Variants in FARS2 observed in about 807,000 individuals in gnomAD.
FARS2 encodes phenylalanine--tRNA ligase, mitochondrial.
FARS2 carries 40 observed loss-of-function variants against 46.4 expected under a neutral mutation model. The ratio of observed to expected loss-of-function variants is 0.86; its 90% confidence interval spans 0.67 to 1.12. The LOEUF is 1.12. Ranked by LOEUF, FARS2 falls within the 50% of genes most tolerant of loss-of-function variation. The probability of loss-of-function intolerance (pLI) is 0.00; values close to 1 mark genes in which losing one functional copy is unlikely to be tolerated. For synonymous variants in FARS2, 234 were observed against 214.9 expected, an observed-to-expected ratio of 1.09 and a Z score of -0.78; for missense variants, 513 against 567.9, an observed-to-expected ratio of 0.90 and a Z score of 0.98.
At chr6:5,401,521 C>T (rs1761252738) in intron 2 of FARS2, among the ~76,000 whole-genome samples, 1 of 151,992 alleles carries the variant, frequency 6.6e-6, no homozygotes, top group South Asian at 2.1e-4. Flanking sequence ...CAATGTAATC[C>T]CCAGCTTTTA....
At chr6:5,316,825 C>G (rs72815629) in intron 1 of FARS2, among the ~76,000 whole-genome samples, 9,324 of 152,242 alleles carry the variant, frequency 0.061, 405 homozygotes, top group East Asian at 0.13. Flanking sequence ...TAACAAAAGC[C>G]TGCTCTCAAA....
At chr6:5,539,408 T>TATATATATATATATATATATATATATA (rs68137910) in intron 4 of FARS2, among the ~76,000 whole-genome samples, 4 of 93,952 alleles carry the variant, frequency 4.3e-5, no homozygotes, top group Middle Eastern at 6.0e-3. Context: ...ATGTATATAT[T>TATATATATATATATATATATATATATA]TTTTTAGTAG....
At chr6:5,640,153 T>C (rs1430530166) in intron 6 of FARS2, among the ~76,000 whole-genome samples, 2 of 151,930 alleles carry the variant, frequency 1.3e-5, no homozygotes, top group Non-Finnish European at 2.9e-5. Flanking sequence ...TGTGTGTGTG[T>C]GTGTGTGTGT....
intron 6 of FARS2, among the ~76,000 whole-genome samples, chr6:5,706,171 G>T (rs984423775): frequency 3.3e-5 from 5 of 152,114 alleles, no homozygotes; most frequent in African/African-American, 9.7e-5. Flanking sequence ...TGACAATAGG[G>T]TTCTCACTCC....
In FARS2 at chr6:5,271,560, G is replaced by GTTTTTTTTTTTT. The variant is rs59053657; in HGVS notation, c.-22+9909_-22+9920dup. On this transcript the variant is annotated intron_variant, in intron 1 of 6. Transcript: ENST00000274680. ...GTGTATAAGAACAGAGACTATGTCT[G>GTTTTTTTTTTTT]TTTTTTTTTTTTTTTTTTTTGAGGC... Among the ~76,000 whole-genome samples, 3 of 108,712 alleles carry GTTTTTTTTTTTT rather than the reference G, an allele frequency of 2.8e-5. 1 individual carries two copies. Among genetic ancestry groups the GTTTTTTTTTTTT allele is most frequent in the African/African-American group, 7.3e-5 (2 of 27,298 alleles). The allele number at this position is 108,712 out of a possible 152,430, so 71.3% of individuals were successfully genotyped here. A position where few individuals can be genotyped will look rare whatever the true frequency, so the allele number is the denominator to read the frequency against.
chr6:5,351,196 G>C (rs547955402), intron 1 of FARS2, among the ~76,000 whole-genome samples: 1 of 152,256 alleles, frequency 6.6e-6, no homozygotes, highest in Admixed American at 6.5e-5. Context: ...GCCATTATTT[G>C]TTCATCTTCA....
intron 4 of FARS2, among the ~76,000 whole-genome samples, chr6:5,444,493 AG>A (rs372392031): frequency 0.2 from 4,829 of 24,516 alleles, 514 homozygotes; most frequent in African/African-American, 0.29. Flanking sequence ...AAAAAAAAAA[AG>A]AGAGAGAGAG....
intron 1 of FARS2, among the ~76,000 whole-genome samples, chr6:5,347,335 A>C (rs1190630567): frequency 1.3e-5 from 2 of 152,048 alleles, no homozygotes; most frequent in Non-Finnish European, 1.5e-5. Context: ...CTTCATTCAC[A>C]CCATCTAGAA....
intron 1 of FARS2, among the ~76,000 whole-genome samples, chr6:5,293,680 G>C (rs531888183): frequency 1.3e-5 from 2 of 152,146 alleles, no homozygotes; most frequent in Admixed American, 6.5e-5. Flanking sequence ...CTCCATGTAC[G>C]ATTTTTTTTG....
chr6:5,759,015 T>C (rs1477275567), intron 6 of FARS2, among the ~76,000 whole-genome samples: 2 of 152,118 alleles, frequency 1.3e-5, no homozygotes, highest in African/African-American at 2.4e-5. Flanking sequence ...GGCCCTGAGA[T>C]GGTGGTGCTC....
At chr6:5,395,327 A>G (rs937206246) in intron 2 of FARS2, among the ~76,000 whole-genome samples, 1 of 152,308 alleles carries the variant, frequency 6.6e-6, no homozygotes, top group East Asian at 1.9e-4. Context: ...CTGGGACTAC[A>G]GGTGTGAGCC....
In FARS2 at chr6:5,265,129, T is replaced by C. The variant is rs78593154; in HGVS notation, c.-22+3469T>C. On this transcript the variant is annotated intron_variant, in intron 1 of 6. Transcript: ENST00000274680. ...TTTCTTTTTGACAGTTGCTGCGATA[T>C]GAGTAATATTAGTAAACGCTAAAGG... 1.8e-3 allele frequency among the ~76,000 whole-genome samples: 273 copies of C among 152,248 alleles called. 2 individuals are homozygous for C. The highest frequency in any genetic ancestry group is 6.8e-3 in the Middle Eastern group (2 of 294).
intron 3 of FARS2, among the ~76,000 whole-genome samples, chr6:5,425,801 T>C (rs1215899559): frequency 1.3e-5 from 2 of 152,200 alleles, no homozygotes; most frequent in African/African-American, 2.4e-5. Context: ...TCAACATCCT[T>C]ATTCAGAGGA....
chr6:5,334,402 G>A (rs1581807912), intron 1 of FARS2, among the ~76,000 whole-genome samples: 1 of 152,154 alleles, frequency 6.6e-6, no homozygotes, highest in Non-Finnish European at 1.5e-5. Flanking sequence ...GCTTGCTTCT[G>A]TATGAAAAGA....
intron 3 of FARS2, among the ~76,000 whole-genome samples, chr6:5,410,158 T>TTTTG (rs1491319257): frequency 3.1e-5 from 1 of 32,674 alleles, no homozygotes; most frequent in African/African-American, 1.9e-4. Flanking sequence ...TGTTTTTTTG[T>TTTTG]TTTTTTTTTT....
chr6:5,550,115 C>A (rs1032141294), intron 5 of FARS2, among the ~76,000 whole-genome samples: 1 of 151,850 alleles, frequency 6.6e-6, no homozygotes, highest in Admixed American at 6.6e-5. Context: ...CATTTCCATT[C>A]AAAAAGGGAG....
At chr6:5,286,879 C>T (rs965327803) in intron 1 of FARS2, among the ~76,000 whole-genome samples, 1 of 152,196 alleles carries the variant, frequency 6.6e-6, no homozygotes, top group Non-Finnish European at 1.5e-5. Context: ...ACTGCAGAAT[C>T]TTTCTGAGAG....
At chr6:5,728,954 C>T (rs534397052) in intron 6 of FARS2, among the ~76,000 whole-genome samples, 91 of 152,270 alleles carry the variant, frequency 6.0e-4, no homozygotes, top group African/African-American at 2.2e-3. Flanking sequence ...TATTCCTTGT[C>T]CCCAGCACTG....
intron 1 of FARS2, among the ~76,000 whole-genome samples, chr6:5,323,985 C>T (rs1770170069): frequency 6.6e-6 from 1 of 152,164 alleles, no homozygotes; most frequent in Non-Finnish European, 1.5e-5. Context: ...AACTTCCCCT[C>T]CTCCCAGAGA....
Sources: gnomAD v4.1 joint callset for allele counts (sites outside exome capture counted in the v4.1 genomes callset) on GRCh38, gnomAD v4.1.1 for gene constraint, MANE v1.5 for transcripts, NCBI Gene and HGNC (gene_info 2026-07-23, HGNC 2026-07-21) for gene names.